SMPD4: variants seen among roughly 807,000 people sequenced by gnomAD.
SMPD4 encodes the protein sphingomyelin phosphodiesterase 4, also known as neutral sphingomyelinase 3.
Under a neutral mutation model 97.8 loss-of-function variants are expected in SMPD4, and 58 were observed. That is an observed-to-expected ratio of 0.59 (90% confidence interval 0.48 to 0.74). The LOEUF is 0.74. Among genes scored for constraint, SMPD4 ranks in the 30% least tolerant of loss-of-function variants. SMPD4 has a pLI of 0.00. For synonymous variants in SMPD4, 388 were observed against 450.0 expected, an observed-to-expected ratio of 0.86 and a Z score of 1.74; for missense variants, 853 against 1,080.5, an observed-to-expected ratio of 0.79 and a Z score of 2.95.
chr2:130,161,538 G>A (rs931076557), intron 10 of SMPD4, among the ~76,000 whole-genome samples: 1 of 152,176 alleles, frequency 6.6e-6, no homozygotes, highest in Admixed American at 6.5e-5. Flanking sequence ...CACTCTCCTC[G>A]CTTTGAAGGC....
At chr2:130,161,517 G>T (rs1364446431) in intron 10 of SMPD4, among the ~76,000 whole-genome samples, 1 of 152,202 alleles carries the variant, frequency 6.6e-6, no homozygotes, top group Non-Finnish European at 1.5e-5. Context: ...ACCAGGCCAG[G>T]GCTGTGGCCA....
chr2:130,165,758 G>A (rs1687869585), intron 9 of SMPD4, among the ~76,000 whole-genome samples: 1 of 152,164 alleles, frequency 6.6e-6, no homozygotes, highest in Non-Finnish European at 1.5e-5. Context: ...TAGAAGAGAT[G>A]GGGTCTCACT....
intron 8 of SMPD4, among the ~76,000 whole-genome samples, chr2:130,171,160 A>G (rs866161520): frequency 6.7e-6 from 1 of 149,754 alleles, no homozygotes; most frequent in Admixed American, 6.7e-5. Context: ...GTGTGTGTAC[A>G]GTGGTGCAAT....
intron 8 of SMPD4, among the ~76,000 whole-genome samples, chr2:130,170,266 C>G (rs955558324): frequency 1.3e-5 from 2 of 151,566 alleles, no homozygotes; most frequent in African/African-American, 4.9e-5. Context: ...GCAGGCAGAT[C>G]ACTTGTGGTA....
chr2:130,179,803 T>G (rs1218729876), intron 1 of SMPD4, among the ~76,000 whole-genome samples: 1 of 150,112 alleles, frequency 6.7e-6, no homozygotes, highest in Non-Finnish European at 1.5e-5. Context: ...TACAGGCACA[T>G]GCCACCACAT....
intron 13 of SMPD4, 23 bp from the exon 14 acceptor site, chr2:130,156,158 G>A: frequency 6.3e-7 from 1 of 1,587,308 alleles, no homozygotes; most frequent in Non-Finnish European, 8.6e-7. Context: ...TGTGTGCTAA[G>A]GGCTCCGTGG....
intron 11 of SMPD4, chr2:130,159,640 A>G (rs1687196165): frequency 1.3e-5 from 2 of 151,336 alleles, no homozygotes; most frequent in African/African-American, 4.8e-5. Flanking sequence ...TCCATCTCAA[A>G]AAAAAAAAAA....
intron 1 of SMPD4, among the ~76,000 whole-genome samples, chr2:130,179,210 G>C (rs1338900946): frequency 1.3e-5 from 2 of 148,892 alleles, no homozygotes; most frequent in African/African-American, 2.5e-5. Context: ...TGCAAGCTCC[G>C]CTTGGGTTCA....
chr2:130,160,426 G>C (rs1361728994), intron 11 of SMPD4, among the ~76,000 whole-genome samples: 1 of 152,196 alleles, frequency 6.6e-6, no homozygotes, highest in Non-Finnish European at 1.5e-5. Context: ...GTCTCCCCCG[G>C]CTCTCACAGA....
At chr2:130,162,158 G>C (rs1217025680) in intron 10 of SMPD4, among the ~76,000 whole-genome samples, 6 of 152,254 alleles carry the variant, frequency 3.9e-5, no homozygotes, top group Non-Finnish European at 7.3e-5. Flanking sequence ...AAGGGCGGGA[G>C]CCCCTGAGGA....
rs1558744441 is a variant in SMPD4, at chr2:130,157,434, C to T, written c.952-38G>A. Reference sequence around the variant, plus strand: ...GGAGGGGTGAGGGCCTGGGAAGGAGCGTGGCACCCATAGCACTCCGCCTCC... The same window carrying T: ...GGAGGGGTGAGGGCCTGGGAAGGAGTGTGGCACCCATAGCACTCCGCCTCC... On this transcript the variant is annotated intron_variant, in intron 11 of 19. Coordinates refer to ENST00000680298, the MANE Select transcript of SMPD4 (RefSeq NM_017951.5). The T allele has an allele frequency of 1.4e-5, 23 of 1,610,188 alleles. No individual in the cohort carries two copies. The East Asian group carries it at 1.8e-4, about 12-fold the overall frequency.
upstream of SMPD4, chr2:130,181,674 A>C (rs748015919): frequency 1.9e-5 from 30 of 1,550,146 alleles, no homozygotes; most frequent in Admixed American, 9.8e-5. Context: ...CGTTACCTCA[A>C]AAGGCGCGTG....
chr2:130,173,457 A>C lies in SMPD4; in HGVS notation c.269+57T>G, dbSNP rs1337560106. 7 of 1,589,408 alleles carry C rather than the reference A, an allele frequency of 4.4e-6. No homozygotes were observed. In the African/African-American group the frequency reaches 6.7e-5, roughly 15 times the overall value. ...CTTGAGAAATTCAGAGAGTGCTTTAAAGGTGGAATCACCATGAGGAATCAC... is the reference window on the plus strand; with the variant it reads ...CTTGAGAAATTCAGAGAGTGCTTTACAGGTGGAATCACCATGAGGAATCAC... On this transcript the variant is annotated intron_variant, in intron 4 of 19. Transcript: ENST00000680298.
intron 13 of SMPD4, 197 bp downstream of exon 13, chr2:130,156,388 A>G: frequency 1.5e-6 from 1 of 669,178 alleles, no homozygotes; most frequent in Non-Finnish European, 2.6e-6. Flanking sequence ...TGCACCAGAC[A>G]GGTGGGACAG....
intron 11 of SMPD4, 64 bp from the exon 12 acceptor site, chr2:130,157,460 A>T: frequency 6.3e-7 from 1 of 1,599,566 alleles, no homozygotes; most frequent in Non-Finnish European, 8.5e-7. Context: ...CTCCGCCTCC[A>T]GGTCTGACCA....
At chr2:130,176,697 A>AT in intron 1 of SMPD4, 60 bp from the exon 2 acceptor site, 4 of 1,397,342 alleles carry the variant, frequency 2.9e-6, no homozygotes, top group Admixed American at 1.9e-5. Flanking sequence ...TTTTTATATT[A>AT]TTTTTTTAGA....
At position 130,152,826 on chromosome 2, in the gene SMPD4, C is replaced by G. The variant is rs760113579; in HGVS notation, c.2213G>C (p.Arg738Pro). 4.4e-6 allele frequency: 7 copies of G among 1,603,368 alleles called. No homozygotes were observed. Among genetic ancestry groups the G allele is most frequent in the Non-Finnish European group, 8.5e-7 (1 of 1,173,392 alleles). ...CAGCCCAGGTTCTGTGAGGTGGTAG[C>G]GACAGAAGCTGCCGAGGAAGTCATC... is the stretch of plus-strand genomic sequence containing the variant. The part of the protein sequence containing the change: ...SRDDFLGSFC[R>P]YHLTEPGLAS... The change falls in exon 20 of 20, where the codon CGC (arginine) becomes CCC (proline). Residue 738 changes from arginine to proline, a missense_variant. Arg to Pro is a moderately radical substitution (Grantham distance 103). Transcript: ENST00000680298.
At chr2:130,154,848 G>A (rs77732007) in intron 15 of SMPD4, 12 of 623,144 alleles carry the variant, frequency 1.9e-5, no homozygotes, top group Admixed American at 8.9e-5. Flanking sequence ...AGCTTGGACC[G>A]TGCCGGCCCG....
chr2:130,180,875 A>G (rs1018077000), intron 1 of SMPD4, among the ~76,000 whole-genome samples: 14 of 152,132 alleles, frequency 9.2e-5, no homozygotes, highest in Non-Finnish European at 2.1e-4. Flanking sequence ...TGACTCTGCC[A>G]TGGCCACCCT....
Sources: allele counts gnomAD v4.1 joint callset (sites outside exome capture counted in the v4.1 genomes callset), GRCh38; gene constraint gnomAD v4.1.1; transcripts MANE v1.5; gene names NCBI Gene and HGNC (gene_info 2026-07-23, HGNC 2026-07-21).